The following RSRC1 variants were observed in gnomAD, a reference collection of about 807,000 sequenced individuals.
RSRC1 encodes serine/Arginine-related protein 53.
In RSRC1, 39 loss-of-function variants were observed where a neutral mutation model predicts 49.1. The observed-to-expected ratio is 0.79, with a 90% confidence interval of 0.61 to 1.04. The LOEUF (loss-of-function observed/expected upper bound fraction) is 1.04. RSRC1 is among the 50% of genes least tolerant of loss of function. The probability of loss-of-function intolerance (pLI) is 0.00; values close to 1 mark genes in which losing one functional copy is unlikely to be tolerated. For missense variants in RSRC1, 388 were observed against 402.4 expected (o/e 0.96, Z 0.31); for synonymous variants, 143 against 130.8 (o/e 1.09, Z -0.63).
At chr3:158,501,612 G>A (rs756713467) in intron 7 of RSRC1, among the ~76,000 whole-genome samples, 15 of 152,100 alleles carry the variant, frequency 9.9e-5, no homozygotes, top group South Asian at 6.2e-4. Context: ...GTCCCTCTTC[G>A]TCTTTTTTTA....
At chr3:158,231,559 C>T (rs1722959288) in intron 4 of RSRC1, among the ~76,000 whole-genome samples, 1 of 152,110 alleles carries the variant, frequency 6.6e-6, no homozygotes, top group South Asian at 2.1e-4. Flanking sequence ...GTGTAACTCG[C>T]TTGTGGCCAT....
At chr3:158,266,140 A>T (rs1725162093) in intron 4 of RSRC1, among the ~76,000 whole-genome samples, 1 of 152,138 alleles carries the variant, frequency 6.6e-6, no homozygotes, top group Admixed American at 6.5e-5. Context: ...TGGTTTATCA[A>T]AATTAATAGT....
intron 3 of RSRC1, among the ~76,000 whole-genome samples, chr3:158,163,305 C>T (rs2108228017): frequency 6.6e-6 from 1 of 152,226 alleles, no homozygotes; most frequent in African/African-American, 2.4e-5. Flanking sequence ...CTCATGTGGC[C>T]TGAAATAATA....
chr3:158,290,612 T>C (rs1726882681), intron 4 of RSRC1, among the ~76,000 whole-genome samples: 1 of 152,166 alleles, frequency 6.6e-6, no homozygotes, highest in South Asian at 2.1e-4. Flanking sequence ...TTTGCCAAAC[T>C]TTTATTCATC....
chr3:158,352,305 A>G (rs1327849602), intron 5 of RSRC1, among the ~76,000 whole-genome samples: 2 of 152,242 alleles, frequency 1.3e-5, no homozygotes, highest in East Asian at 1.9e-4. Flanking sequence ...TCCCTTAGGA[A>G]TGGTAGTGAC....
chr3:158,541,435 C>T (rs1284673985), intron 8 of RSRC1, among the ~76,000 whole-genome samples: 2 of 152,128 alleles, frequency 1.3e-5, no homozygotes, highest in Admixed American at 6.5e-5. Flanking sequence ...ATATAATTGC[C>T]ACTTGGGACA....
rs143074214 is a variant in RSRC1 at position 158,212,573 on chromosome 3, T to C, written c.494+9328T>C. On this transcript the variant is annotated intron_variant, in intron 4 of 9. Transcript: ENST00000611884. ...ATTTATTTCAGGAACTTAATTGATATCACCTATTCTGTTGATTTTGTATAT... is the reference window on the plus strand; with the variant it reads ...ATTTATTTCAGGAACTTAATTGATACCACCTATTCTGTTGATTTTGTATAT... 2.8e-3 allele frequency among the ~76,000 whole-genome samples: 431 copies of C among 152,060 alleles called. 2 individuals carry two copies. The highest frequency in any genetic ancestry group is 1.0e-2 in the African/African-American group (414 of 41,546).
At chr3:158,277,499 G>T (rs1725883487) in intron 4 of RSRC1, among the ~76,000 whole-genome samples, 1 of 152,124 alleles carries the variant, frequency 6.6e-6, no homozygotes, top group East Asian at 1.9e-4. Context: ...GTGCAGTTAA[G>T]TGGACTTGTG....
intron 5 of RSRC1, among the ~76,000 whole-genome samples, chr3:158,301,834 C>T (rs1727563716): frequency 2.0e-5 from 3 of 152,200 alleles, no homozygotes; most frequent in East Asian, 1.9e-4. Context: ...TGTTAACATA[C>T]TTCCAGAGGT....
At chr3:158,259,612 C>G (rs973035899) in intron 4 of RSRC1, among the ~76,000 whole-genome samples, 1 of 152,194 alleles carries the variant, frequency 6.6e-6, no homozygotes, top group African/African-American at 2.4e-5. Context: ...TCCAGTGGCT[C>G]TACAATCCAC....
At chr3:158,156,650 G>A (rs1014108066) in intron 3 of RSRC1, among the ~76,000 whole-genome samples, 1 of 152,118 alleles carries the variant, frequency 6.6e-6, no homozygotes, top group African/African-American at 2.4e-5. Flanking sequence ...TTATTAACTG[G>A]CCTAAATTTC....
At chr3:158,498,907 C>G in intron 7 of RSRC1, among the ~76,000 whole-genome samples, 1 of 152,160 alleles carries the variant, frequency 6.6e-6, no homozygotes, top group East Asian at 1.9e-4. Flanking sequence ...TCCGTGTTCT[C>G]TATTCTGTTC....
rs1411758513 is a variant in RSRC1, at chr3:158,539,570, T to TAA, written c.759+2372_759+2373insAA. On this transcript the variant is annotated intron_variant, in intron 8 of 9. Transcript: ENST00000611884. This position sits in a 1 kb window ranked among gnomAD's most constrained non-coding sequence, Gnocchi z 4.1. ...TATGCAGCATGGTCTTTTGGCCTAC[T>TAA]TGGAAGTAGATTTTAGTACTAATTT... is the stretch of plus-strand genomic sequence containing the variant. Among the ~76,000 whole-genome samples the TAA allele has an allele frequency of 6.6e-6, 1 of 152,098 alleles. No individual in the cohort carries two copies. The highest frequency in any genetic ancestry group is 1.5e-5 in the Non-Finnish European group (1 of 67,988).
intron 5 of RSRC1, among the ~76,000 whole-genome samples, chr3:158,311,144 ACCAACT>A (rs2108143641): frequency 6.6e-6 from 1 of 151,992 alleles, no homozygotes; most frequent in South Asian, 2.1e-4. Flanking sequence ...GAACTACCAT[ACCAACT>A]TACAGTACCT....
At chr3:158,419,741 T>C (rs1734934940) in intron 6 of RSRC1, among the ~76,000 whole-genome samples, 1 of 150,854 alleles carries the variant, frequency 6.6e-6, no homozygotes, top group Non-Finnish European at 1.5e-5. Flanking sequence ...GTAGTACCTG[T>C]CCCCTCACAG....
In RSRC1 at chr3:158,175,533, C is replaced by T. The variant is rs1234079088; in HGVS notation, c.321-27539C>T. 2.0e-5 allele frequency among the ~76,000 whole-genome samples: 3 copies of T among 151,816 alleles called. No individual in the cohort carries two copies. In the East Asian group the frequency reaches 5.8e-4, roughly 29 times the overall value. ...GACCCATTACTACTTATTGAAAAGA[C>T]CTTCCTTTTTTTCACTGTTCTCTAG... On this transcript the variant is annotated intron_variant, in intron 3 of 9. Transcript: ENST00000611884.
At chr3:158,214,091 A>G (rs1036748742) in intron 4 of RSRC1, among the ~76,000 whole-genome samples, 8 of 151,922 alleles carry the variant, frequency 5.3e-5, no homozygotes, top group African/African-American at 1.7e-4. Flanking sequence ...TAGCATTTAC[A>G]TTATATTAGG....
chr3:158,437,924 ATC>A (rs1212718952), intron 6 of RSRC1, among the ~76,000 whole-genome samples: 1 of 152,146 alleles, frequency 6.6e-6, no homozygotes, highest in Non-Finnish European at 1.5e-5. Flanking sequence ...AAACTCCATC[ATC>A]TCAGCCCAAA....
At chr3:158,199,053 A>G (rs554721437) in intron 3 of RSRC1, among the ~76,000 whole-genome samples, 1 of 152,232 alleles carries the variant, frequency 6.6e-6, no homozygotes, top group South Asian at 2.1e-4. Flanking sequence ...ATGGGAGATG[A>G]TTGAATCATC....
Sources: allele counts gnomAD v4.1 joint callset (sites outside exome capture counted in the v4.1 genomes callset), GRCh38; gene constraint gnomAD v4.1.1; non-coding constraint Gnocchi (gnomAD v3.1); transcripts MANE v1.5; gene names NCBI Gene and HGNC (gene_info 2026-07-23, HGNC 2026-07-21).